The following PARD6G variants were observed in gnomAD, a reference collection of about 807,000 sequenced individuals.
PARD6G encodes the protein partitioning defective 6 homolog gamma.
A neutral mutation model predicts 10.7 loss-of-function variants in PARD6G; 7 were observed. That is an observed-to-expected ratio of 0.66 (90% CI 0.37 to 1.23). The LOEUF is 1.23. PARD6G is among the 50% of genes most tolerant of loss of function. PARD6G has a pLI of 0.02. For synonymous variants in PARD6G, 287 were observed against 269.4 expected, an observed-to-expected ratio of 1.07 and a Z score of -0.64; for missense variants, 548 against 571.8, an observed-to-expected ratio of 0.96 and a Z score of 0.42.
chr18:80,216,805 T>C (rs1967172218), intron 1 of PARD6G, among the ~76,000 whole-genome samples: 1 of 151,996 alleles, frequency 6.6e-6, no homozygotes, highest in Non-Finnish European at 1.5e-5. Context: ...ACAGAGAAAG[T>C]GACAAAATCA....
rs112051654 is a variant in PARD6G at position 80,244,646 on chromosome 18, T to A, written c.72+2631A>T. ...AAAGGTATCATGCCCATTTTACAGA[T>A]GAAATAACCGATGCTTGGAAAAGTT... On this transcript the variant is annotated intron_variant, in intron 1 of 2. Transcript: ENST00000353265. Among the ~76,000 whole-genome samples the A allele has an allele frequency of 5.3e-3, 800 of 152,244 alleles. 6 individuals are homozygous for A. The highest frequency in any genetic ancestry group is 0.019 in the African/African-American group (769 of 41,520).
intron 1 of PARD6G, among the ~76,000 whole-genome samples, chr18:80,224,846 C>A (rs200047094): frequency 1.4e-5 from 2 of 146,748 alleles, no homozygotes; most frequent in East Asian, 4.0e-4. Context: ...GACTCCGTTT[C>A]AAAAAAAAAA....
intron 1 of PARD6G, among the ~76,000 whole-genome samples, chr18:80,223,883 T>C (rs1345213641): frequency 6.6e-6 from 1 of 152,196 alleles, no homozygotes; most frequent in Non-Finnish European, 1.5e-5. Context: ...GGAAGGCTCA[T>C]GCCTCATCAC....
At position 80,160,185 on chromosome 18, in the gene PARD6G, G is replaced by A; in HGVS notation, c.717C>T (p.Asn239=). The part of the protein sequence containing the change: ...LDQVTDMMIA[N]SHNLIVTVKP... ...TGACGGTGACGATGAGGTTGTGGCT[G>A]TTGGCGATCATCATGTCCGTGACCT... The change falls in exon 3 of 3, where the codon AAC becomes AAT. Residue 239 remains asparagine, a synonymous_variant. Coordinates refer to ENST00000353265, the MANE Select transcript of PARD6G (RefSeq NM_032510.4). 1.2e-6 allele frequency: 2 copies of A among 1,613,358 alleles called. No individual in the cohort carries two copies. The highest frequency in any genetic ancestry group is 1.6e-4 in the Middle Eastern group (1 of 6,062).
chr18:80,162,767 C>T (rs945325949), intron 2 of PARD6G, among the ~76,000 whole-genome samples: 5 of 151,946 alleles, frequency 3.3e-5, no homozygotes, highest in East Asian at 1.9e-4. Context: ...TTATGCTGCC[C>T]GGGGTGTGGG....
At chr18:80,230,402 G>C (rs1967344778) in intron 1 of PARD6G, among the ~76,000 whole-genome samples, 1 of 152,210 alleles carries the variant, frequency 6.6e-6, no homozygotes, top group African/African-American at 2.4e-5. Context: ...GTGGGACTCG[G>C]CAGTAGTTTG....
At chr18:80,202,581 A>T (rs949854562) in intron 2 of PARD6G, 129 bp downstream of exon 2, 24 of 683,760 alleles carry the variant, frequency 3.5e-5, no homozygotes, top group Non-Finnish European at 5.4e-5. Flanking sequence ...ACAATTTTTA[A>T]TTTCTTTAAT....
chr18:80,211,333 G>A (rs1967105709), intron 1 of PARD6G, among the ~76,000 whole-genome samples: 1 of 152,178 alleles, frequency 6.6e-6, no homozygotes. Flanking sequence ...GGGCAAACAG[G>A]AATTGGACAA....
Position 80,159,990 on chromosome 18 carries a change from C to T in PARD6G, c.912G>A (p.Glu304=). 6.6e-7 allele frequency: 1 copy of T among 1,509,156 alleles called. No individual in the cohort carries two copies. The highest frequency in any genetic ancestry group is 8.8e-7 in the Non-Finnish European group (1 of 1,136,498). 93.5% of individuals were successfully genotyped at this position (1,509,156 alleles called of 1,614,324 possible). The change falls in exon 3 of 3, where the codon GAG becomes GAA. Residue 304 remains glutamate (E), a synonymous_variant. Coordinates refer to ENST00000353265, the MANE Select transcript of PARD6G (RefSeq NM_032510.4). ...GGGGACGTGCAGGCTCCAGTGTGCC[C>T]TCGATGACGACGTCGTTGTCCTCAT... ...ESDEDNDVVI[E]GTLEPARPPQ... is the part of the protein sequence containing the mutation.
At chr18:80,232,857 G>T (rs1386793174) in intron 1 of PARD6G, among the ~76,000 whole-genome samples, 1 of 152,208 alleles carries the variant, frequency 6.6e-6, no homozygotes, top group Non-Finnish European at 1.5e-5. Flanking sequence ...TCCCTGAGTG[G>T]TGTCCTTCCT....
At chr18:80,167,761 C>T (rs574795825) in intron 2 of PARD6G, among the ~76,000 whole-genome samples, 1 of 152,100 alleles carries the variant, frequency 6.6e-6, no homozygotes, top group Non-Finnish European at 1.5e-5. Context: ...GGTGCAGCAC[C>T]TCTCAGCAGC....
rs1288714372 is a variant in PARD6G, at chr18:80,192,596, A to G, written c.295+10114T>C. The stretch of plus-strand genomic sequence containing the variant: ...CCTGAAGCTCCACAATTGCCAAGGC[A>G]GCCCCAGGGACCTGTGTGGGGCTGT... On this transcript the variant is annotated intron_variant, in intron 2 of 2. Coordinates refer to ENST00000353265, the MANE Select transcript of PARD6G (RefSeq NM_032510.4). The surrounding 1 kb of genome is among the most constrained non-coding windows in gnomAD (Gnocchi z 4.9). Among the ~76,000 whole-genome samples, 1 of 152,180 alleles carries G rather than the reference A, an allele frequency of 6.6e-6. No homozygotes were observed. Among genetic ancestry groups the G allele is most frequent in the Non-Finnish European group, 1.5e-5 (1 of 68,028 alleles).
At chr18:80,194,192 AAAC>A (rs1966927868) in intron 2 of PARD6G, among the ~76,000 whole-genome samples, 2 of 152,194 alleles carry the variant, frequency 1.3e-5, no homozygotes, top group African/African-American at 4.8e-5. Context: ...TGGCCACAGA[AAAC>A]AACACGGCCT....
In PARD6G at chr18:80,202,799, C is replaced by T; in HGVS notation, c.206G>A (p.Gly69Glu). 6.2e-7 allele frequency: 1 copy of T among 1,614,044 alleles called. No homozygotes were observed. The highest frequency in any genetic ancestry group is 8.5e-7 in the Non-Finnish European group (1 of 1,179,998). ...ATCATTGTTGATGGGCAGCAGGTCT[C>T]CGTGCACATCTGCATAGCCAATAGT... Reference protein sequence around the residue: ...DVTIGYADVHGDLLPINNDDN... With the variant: ...DVTIGYADVHEDLLPINNDDN... The change falls in exon 2 of 3, where the codon GGA becomes GAA. Residue 69 changes from glycine to glutamate, a missense_variant. By Grantham distance (98) the Gly-to-Glu change is moderately conservative (BLOSUM62 -2). Transcript: ENST00000353265.
At chr18:80,211,460 T>A (rs1221705836) in intron 1 of PARD6G, among the ~76,000 whole-genome samples, 2 of 152,206 alleles carry the variant, frequency 1.3e-5, no homozygotes, top group Non-Finnish European at 2.9e-5. Context: ...GCACGACTGG[T>A]GATAACGTAA....
At position 80,246,976 on chromosome 18, in the gene PARD6G, G is replaced by T. The variant is rs914715148; in HGVS notation, c.72+301C>A. On this transcript the variant is annotated intron_variant, in intron 1 of 2. Transcript: ENST00000353265. This position sits in a 1 kb window ranked among gnomAD's most constrained non-coding sequence, Gnocchi z 6.7. ...CTCCAATGTGTGGCGCGCCCCGATC[G>T]CCTCTCACTCGTGGAACAAAAGAGC... 6.6e-6 allele frequency among the ~76,000 whole-genome samples: 1 copy of T among 152,088 alleles called. No homozygotes were observed. Among genetic ancestry groups the T allele is most frequent in the Admixed American group, 6.5e-5 (1 of 15,276 alleles).
intron 1 of PARD6G, among the ~76,000 whole-genome samples, chr18:80,244,677 A>G (rs1967524311): frequency 6.6e-6 from 1 of 152,188 alleles, no homozygotes; most frequent in South Asian, 2.1e-4. Flanking sequence ...AAGTTAAATG[A>G]CTTGCCCAAA....
chr18:80,184,527 CGCAGCGGGAGCAAGGCAG>C lies in PARD6G; in HGVS notation c.295+18165_295+18182del, dbSNP rs2052863672. ...GCAGAGGGAGCAAGGCCGTGAAACCCGCAGCGGGAGCAAGGCAGTGAAACCCTCAGAGGGAGCAAGGCC... is the reference window on the plus strand; with the variant it reads ...GCAGAGGGAGCAAGGCCGTGAAACCCTGAAACCCTCAGAGGGAGCAAGGCC... On this transcript the variant is annotated intron_variant, in intron 2 of 2. Transcript: ENST00000353265. The surrounding 1 kb of genome is among the most constrained non-coding windows in gnomAD (Gnocchi z 4.5). The C allele has an allele frequency of 6.8e-6, 1 of 146,224 alleles. No homozygotes were observed. The highest frequency in any genetic ancestry group is 1.5e-5 in the Non-Finnish European group (1 of 65,496). 9.1% of individuals were successfully genotyped at this position (146,224 alleles called of 1,614,324 possible). A position where few individuals can be genotyped will look rare whatever the true frequency, so the allele number is the denominator to read the frequency against.
chr18:80,211,909 G>A (rs1051303130), intron 1 of PARD6G, among the ~76,000 whole-genome samples: 2 of 151,602 alleles, frequency 1.3e-5, no homozygotes, highest in African/African-American at 4.9e-5. Flanking sequence ...CTTGAGGGAG[G>A]AGGAATGAGG....
Sources: allele counts gnomAD v4.1 joint callset (sites outside exome capture counted in the v4.1 genomes callset), GRCh38; gene constraint gnomAD v4.1.1; non-coding constraint Gnocchi (gnomAD v3.1); transcripts MANE v1.5; gene names NCBI Gene and HGNC (gene_info 2026-07-23, HGNC 2026-07-21).